The following RGS7 variants were observed in gnomAD, a reference collection of about 807,000 sequenced individuals.
The protein encoded by RGS7 is regulator of G-protein signaling 7.
RGS7 carries 27 observed loss-of-function variants against 81.1 expected under a neutral mutation model. The observed-to-expected ratio is 0.33, with a 90% CI of 0.25 to 0.46. The LOEUF (loss-of-function observed/expected upper bound fraction) is 0.46, where lower values mean the gene tolerates loss of function less well. Among genes scored for constraint, RGS7 ranks in the 20% least tolerant of loss-of-function variants. RGS7 has a pLI of 1.00. For missense variants in RGS7, 396 were observed against 607.4 expected (o/e 0.65, Z 3.66); for synonymous variants, 208 against 207.7 (o/e 1.00, Z -0.01).
chr1:241,270,132 C>A, intron 2 of RGS7, among the ~76,000 whole-genome samples: 1 of 152,176 alleles, frequency 6.6e-6, no homozygotes, highest in East Asian at 1.9e-4. Flanking sequence ...AGACCTGGTG[C>A]CAGCTCTGCC....
At chr1:240,784,561 G>C (rs1684730593) in intron 18 of RGS7, among the ~76,000 whole-genome samples, 1 of 150,858 alleles carries the variant, frequency 6.6e-6, no homozygotes, top group African/African-American at 2.4e-5. Context: ...CAGGAGAATG[G>C]CGTGAACCCG....
intron 6 of RGS7, among the ~76,000 whole-genome samples, chr1:240,923,484 G>GA (rs1207843532): frequency 6.6e-6 from 1 of 151,754 alleles, no homozygotes; most frequent in Non-Finnish European, 1.5e-5. Context: ...GAGATTCTCT[G>GA]AAAAAAATGA....
chr1:241,118,136 A>G (rs1400719986), intron 2 of RGS7, among the ~76,000 whole-genome samples: 1 of 152,202 alleles, frequency 6.6e-6, no homozygotes, highest in Non-Finnish European at 1.5e-5. Context: ...AGATTTTACA[A>G]CCTTCTTAAA....
intron 2 of RGS7, among the ~76,000 whole-genome samples, chr1:241,314,654 T>C (rs1056201190): frequency 6.6e-6 from 1 of 152,182 alleles, no homozygotes; most frequent in Non-Finnish European, 1.5e-5. Context: ...ATAAATGTTA[T>C]GAACAAAAGT....
chr1:241,312,583 C>A (rs1199033244), intron 2 of RGS7, among the ~76,000 whole-genome samples: 2 of 152,124 alleles, frequency 1.3e-5, no homozygotes, highest in East Asian at 1.9e-4. Context: ...AAAACCCACA[C>A]CCCTTTAAAA....
At position 241,098,800 on chromosome 1, in the gene RGS7, T is replaced by C. The variant is rs79966982; in HGVS notation, c.79-38A>G. On this transcript the variant is annotated intron_variant, in intron 2 of 18. Coordinates refer to ENST00000440928, the MANE Select transcript of RGS7 (RefSeq NM_001364886.1). Reference sequence around the variant, plus strand: ...AACATAATTAAAACCTTTATAAAGTTGAACTTTTTTGAAAAAAAATCAGCT... The same window carrying C: ...AACATAATTAAAACCTTTATAAAGTCGAACTTTTTTGAAAAAAAATCAGCT... 0.012 allele frequency: 17,091 copies of C among 1,466,770 alleles called. 1,413 individuals carry two copies. The African/African-American group carries it at 0.19, about 17-fold the overall frequency. 90.9% of individuals were successfully genotyped at this position (1,466,770 alleles called of 1,614,324 possible). A position where few individuals can be genotyped will look rare whatever the true frequency, so the allele number is the denominator to read the frequency against.
At chr1:241,282,756 G>C (rs1375848561) in intron 2 of RGS7, among the ~76,000 whole-genome samples, 1 of 151,598 alleles carries the variant, frequency 6.6e-6, no homozygotes, top group Non-Finnish European at 1.5e-5. Context: ...CTAGTTTCTT[G>C]AGAGTTTTTT....
At chr1:241,019,938 C>T (rs2059456111) in intron 3 of RGS7, among the ~76,000 whole-genome samples, 1 of 152,118 alleles carries the variant, frequency 6.6e-6, no homozygotes, top group African/African-American at 2.4e-5. Flanking sequence ...ATTTTTCTTG[C>T]TGTAACAAAG....
intron 6 of RGS7, among the ~76,000 whole-genome samples, chr1:240,929,385 G>A (rs575316057): frequency 6.6e-6 from 1 of 152,118 alleles, no homozygotes; most frequent in South Asian, 2.1e-4. Context: ...CAGTTTTGAG[G>A]AATGTGTGCC....
At chr1:240,960,235 G>GTT (rs1558526794) in intron 4 of RGS7, among the ~76,000 whole-genome samples, 2 of 42,968 alleles carry the variant, frequency 4.7e-5, no homozygotes, top group African/African-American at 1.9e-4. Flanking sequence ...TTTTTTTTTT[G>GTT]TTGTTGTTGT....
chr1:241,154,251 G>A (rs1051254012), intron 2 of RGS7, among the ~76,000 whole-genome samples: 1 of 152,198 alleles, frequency 6.6e-6, no homozygotes, highest in Admixed American at 6.5e-5. Context: ...GGTCTGGTCT[G>A]TGAAGATGGG....
intron 3 of RGS7, among the ~76,000 whole-genome samples, chr1:241,069,591 C>A (rs1000001889): frequency 6.6e-6 from 1 of 152,056 alleles, no homozygotes; most frequent in Non-Finnish European, 1.5e-5. Flanking sequence ...TAGTATAACA[C>A]GCTTCTCATT....
At chr1:240,855,383 T>C (rs1355641761) in intron 9 of RGS7, among the ~76,000 whole-genome samples, 3 of 149,962 alleles carry the variant, frequency 2.0e-5, no homozygotes, top group African/African-American at 7.3e-5. Flanking sequence ...CAATTTCTTA[T>C]ATTTAGATAA....
At chr1:240,958,016 C>T (rs1166812578) in intron 4 of RGS7, among the ~76,000 whole-genome samples, 2 of 152,128 alleles carry the variant, frequency 1.3e-5, no homozygotes, top group African/African-American at 2.4e-5. Context: ...AGGAAGAAGG[C>T]ACTGAAAGGC....
intron 3 of RGS7, among the ~76,000 whole-genome samples, chr1:241,075,462 A>G (rs755383188): frequency 6.6e-6 from 1 of 152,162 alleles, no homozygotes; most frequent in Non-Finnish European, 1.5e-5. Context: ...TTCAGGGTTC[A>G]GTCATCTCAG....
chr1:241,040,822 G>A lies in RGS7; in HGVS notation c.176-57693C>T, dbSNP rs188860591. Among the ~76,000 whole-genome samples, 405 of 152,142 alleles carry A rather than the reference G, an allele frequency of 2.7e-3. 1 individual carries two copies. The highest frequency in any genetic ancestry group is 4.3e-3 in the Non-Finnish European group (293 of 67,980). Reference sequence around the variant, plus strand: ...CTTAAAAACAAACAAACAAACAAACGAAAAGCTTTCTATTCTCAGAAGTGT... The same window carrying A: ...CTTAAAAACAAACAAACAAACAAACAAAAAGCTTTCTATTCTCAGAAGTGT... On this transcript the variant is annotated intron_variant, in intron 3 of 18. Coordinates refer to ENST00000440928, the MANE Select transcript of RGS7 (RefSeq NM_001364886.1).
In RGS7 at chr1:241,250,144, G is replaced by A. The variant is rs114106525; in HGVS notation, c.78+105555C>T. 3.4e-3 allele frequency among the ~76,000 whole-genome samples: 522 copies of A among 152,234 alleles called. 1 individual carries two copies. Among genetic ancestry groups the A allele is most frequent in the Middle Eastern group, 0.014 (4 of 294 alleles). ...ATAACCTTGGGAGGGCCACAAAGTTGTATTTCTTAATCTTGATGGTGAGTA... is the reference window on the plus strand; with the variant it reads ...ATAACCTTGGGAGGGCCACAAAGTTATATTTCTTAATCTTGATGGTGAGTA... On this transcript the variant is annotated intron_variant, in intron 2 of 18. Coordinates refer to ENST00000440928, the MANE Select transcript of RGS7 (RefSeq NM_001364886.1).
chr1:241,220,234 A>G (rs1344606300), intron 2 of RGS7, among the ~76,000 whole-genome samples: 1 of 152,236 alleles, frequency 6.6e-6, no homozygotes, highest in Non-Finnish European at 1.5e-5. Flanking sequence ...AACTTTTAAA[A>G]GAAACAATCT....
At chr1:240,959,631 T>A (rs1229030436) in intron 4 of RGS7, among the ~76,000 whole-genome samples, 3 of 152,190 alleles carry the variant, frequency 2.0e-5, no homozygotes, top group Non-Finnish European at 4.4e-5. Flanking sequence ...ATGGGATATA[T>A]GACTATATAT....
Sources: gnomAD v4.1 joint callset for allele counts (sites outside exome capture counted in the v4.1 genomes callset) on GRCh38, gnomAD v4.1.1 for gene constraint, MANE v1.5 for transcripts, NCBI Gene and HGNC (gene_info 2026-07-23, HGNC 2026-07-21) for gene names.